The following TRDN variants were observed in gnomAD, a reference collection of about 807,000 sequenced individuals.
TRDN encodes triadin in skeletal muscle.
In TRDN, 161 loss-of-function variants were observed where a neutral mutation model predicts 149.7. The ratio of observed to expected loss-of-function variants is 1.08; its 90% CI spans 0.95 to 1.23. The LOEUF (loss-of-function observed/expected upper bound fraction) is 1.23. Among genes scored for constraint, TRDN ranks in the 50% most tolerant of loss-of-function variants. The probability of loss-of-function intolerance (pLI) is 0.00; values close to 1 mark genes in which losing one functional copy is unlikely to be tolerated. For missense variants in TRDN, 896 were observed against 823.5 expected (o/e 1.09, Z -1.08); for synonymous variants, 294 against 250.5 (o/e 1.17, Z -1.64).
chr6:123,607,875 A>C, intron 1 of TRDN, among the ~76,000 whole-genome samples: 1 of 145,698 alleles, frequency 6.9e-6, no homozygotes, highest in Middle Eastern at 3.5e-3. Context: ...TTTTAATTAG[A>C]GATGGGGCCT....
At chr6:123,238,977 A>G (rs984576770) in intron 38 of TRDN, among the ~76,000 whole-genome samples, 3 of 152,096 alleles carry the variant, frequency 2.0e-5, no homozygotes, top group Non-Finnish European at 4.4e-5. Context: ...AGTAGCTGGA[A>G]CTACAGGCAC....
At chr6:123,267,779 C>A (rs1777061504) in intron 31 of TRDN, 28 bp from the exon 32 acceptor site, 2 of 1,540,286 alleles carry the variant, frequency 1.3e-6, no homozygotes, top group Admixed American at 1.9e-5. Context: ...AATTCACTGG[C>A]AATCTGTGGA....
At chr6:123,431,097 C>T (rs1774321288) in intron 12 of TRDN, among the ~76,000 whole-genome samples, 1 of 152,212 alleles carries the variant, frequency 6.6e-6, no homozygotes, top group Admixed American at 6.5e-5. Context: ...AATATACTCT[C>T]TTTCCTTCAA....
intron 1 of TRDN, among the ~76,000 whole-genome samples, chr6:123,632,545 C>G (rs1786060871): frequency 6.6e-6 from 1 of 152,026 alleles, no homozygotes; most frequent in Admixed American, 6.6e-5. Flanking sequence ...TCGTGGTACT[C>G]CTCTTTTGAA....
chr6:123,290,693 C>A (rs1478961050), intron 24 of TRDN, among the ~76,000 whole-genome samples: 1 of 152,124 alleles, frequency 6.6e-6, no homozygotes, highest in Non-Finnish European at 1.5e-5. Context: ...GTCTGCTGGG[C>A]AGTTCAGGAT....
At chr6:123,226,827 C>G (rs1775390972) in intron 38 of TRDN, among the ~76,000 whole-genome samples, 2 of 151,750 alleles carry the variant, frequency 1.3e-5, no homozygotes, top group Non-Finnish European at 2.9e-5. Context: ...AAAGGAGTGT[C>G]AAAATGTGCC....
intron 23 of TRDN, among the ~76,000 whole-genome samples, chr6:123,317,143 A>T (rs1786670624): frequency 6.6e-6 from 1 of 151,860 alleles, no homozygotes; most frequent in Non-Finnish European, 1.5e-5. Flanking sequence ...AAACTATTCA[A>T]GTAATACTCA....
At chr6:123,382,456 A>G (rs1021145299) in intron 14 of TRDN, among the ~76,000 whole-genome samples, 2 of 151,832 alleles carry the variant, frequency 1.3e-5, no homozygotes, top group Non-Finnish European at 2.9e-5. Flanking sequence ...TGTTTTGCCT[A>G]TGTAAGTTAG....
chr6:123,380,105 G>C (rs1428398878), intron 16 of TRDN, among the ~76,000 whole-genome samples: 1 of 152,176 alleles, frequency 6.6e-6, no homozygotes, highest in African/African-American at 2.4e-5. Context: ...GAAAAGAACT[G>C]ATAGGTGTTT....
chr6:123,466,234 GA>G (rs1776802795), intron 9 of TRDN, among the ~76,000 whole-genome samples: 1 of 151,988 alleles, frequency 6.6e-6, no homozygotes, highest in East Asian at 1.9e-4. Context: ...CATTAGCAAA[GA>G]AAAAATAAGG....
intron 23 of TRDN, among the ~76,000 whole-genome samples, chr6:123,318,294 T>C (rs777051797): frequency 2.0e-4 from 31 of 152,066 alleles, no homozygotes; most frequent in Admixed American, 3.3e-4. Context: ...GAATTATTTT[T>C]TCTGGAGTAC....
chr6:123,504,870 C>G (rs1014416358), intron 7 of TRDN, among the ~76,000 whole-genome samples: 2 of 152,034 alleles, frequency 1.3e-5, no homozygotes, highest in African/African-American at 4.8e-5. Flanking sequence ...CACTATACAC[C>G]ACAGCAACTC....
chr6:123,316,525 C>T (rs1345746264), intron 23 of TRDN, 30 bp from the exon 24 acceptor site: 1 of 1,599,826 alleles, frequency 6.3e-7, no homozygotes, highest in South Asian at 1.1e-5. Context: ...TAAACACGTA[C>T]AAACAAAAGG....
intron 5 of TRDN, among the ~76,000 whole-genome samples, chr6:123,521,878 C>A (rs2114287718): frequency 6.6e-6 from 1 of 152,240 alleles, no homozygotes; most frequent in African/African-American, 2.4e-5. Context: ...GTACTTACTA[C>A]ACGTGGTATA....
chr6:123,328,511 G>A lies in TRDN; in HGVS notation c.1471+3368C>T, dbSNP rs150634665. 3.3e-5 allele frequency among the ~76,000 whole-genome samples: 5 copies of A among 152,148 alleles called. No homozygotes were observed. In the East Asian group the frequency reaches 7.7e-4, roughly 24 times the overall value. ...TGTTTCTTTTTTTCCTATGAATTGCGATTGTGTGATTCCTTCCTCTCGCAC... is the reference window on the plus strand; with the variant it reads ...TGTTTCTTTTTTTCCTATGAATTGCAATTGTGTGATTCCTTCCTCTCGCAC... On this transcript the variant is annotated intron_variant, in intron 23 of 40. Transcript: ENST00000334268.
In TRDN at chr6:123,340,944, T is replaced by A. The variant is rs1056990601; in HGVS notation, c.1370-3275A>T. Among the ~76,000 whole-genome samples, 36 of 152,166 alleles carry A rather than the reference T, an allele frequency of 2.4e-4. 1 individual carries two copies. The highest frequency in any genetic ancestry group is 1.8e-3 in the Admixed American group (28 of 15,264). On this transcript the variant is annotated intron_variant, in intron 21 of 40. Transcript: ENST00000334268. ...AGTTATTTAATAGTGATTAATTGCA[T>A]AATTGTTTTAATAGTTAATATGTGA...
At position 123,266,315 on chromosome 6, in the gene TRDN, A is replaced by T. The variant is rs1776970839; in HGVS notation, c.1784-977T>A. Among the ~76,000 whole-genome samples the T allele has an allele frequency of 3.7e-5, 4 of 108,348 alleles. No individual in the cohort carries two copies. In the East Asian group the frequency reaches 7.2e-4, roughly 20 times the overall value. The allele number at this position is 108,348 out of a possible 152,430, so 71.1% of individuals were successfully genotyped here. Reference sequence around the variant, plus strand: ...TATGTATTATATATAATTATATGTAATATGTATTATATATTATGATATGTA... The same window carrying T: ...TATGTATTATATATAATTATATGTATTATGTATTATATATTATGATATGTA... On this transcript the variant is annotated intron_variant, in intron 32 of 40. Transcript: ENST00000334268.
At chr6:123,326,117 T>G (rs1582875325) in intron 23 of TRDN, among the ~76,000 whole-genome samples, 1 of 152,128 alleles carries the variant, frequency 6.6e-6, no homozygotes, top group African/African-American at 2.4e-5. Context: ...TTTTGAGACT[T>G]AACTTTATCC....
intron 9 of TRDN, among the ~76,000 whole-genome samples, chr6:123,491,132 A>AGAAGGAAGGAAGGAAGGAAGGAAG (rs149446213): frequency 0.059 from 8,625 of 146,110 alleles, 343 homozygotes; most frequent in South Asian, 0.085. Context: ...AAGGAACGAA[A>AGAAGGAAGGAAGGAAGGAAGGAAG]GAAGGAAGGA....
Sources: gnomAD v4.1 joint callset for allele counts (sites outside exome capture counted in the v4.1 genomes callset) on GRCh38, gnomAD v4.1.1 for gene constraint, MANE v1.5 for transcripts, NCBI Gene and HGNC (gene_info 2026-07-23, HGNC 2026-07-21) for gene names.